NELL1: variants seen among roughly 807,000 people sequenced by gnomAD.
The protein encoded by NELL1 is neural EGFL like 1, also known as protein kinase C-binding protein NELL1.
A neutral mutation model predicts 107.4 loss-of-function variants in NELL1; 76 were observed. That is an observed-to-expected ratio of 0.71 (90% CI 0.59 to 0.86). The LOEUF is 0.86. Ranked by LOEUF, NELL1 falls within the 40% of genes least tolerant of loss-of-function variation. The pLI is 0.00. For synonymous variants in NELL1, 353 were observed against 341.2 expected, an observed-to-expected ratio of 1.03 and a Z score of -0.38; for missense variants, 1,024 against 1,005.5, an observed-to-expected ratio of 1.02 and a Z score of -0.25.
At chr11:21,381,095 C>T (rs978454263) in intron 15 of NELL1, among the ~76,000 whole-genome samples, 2 of 152,024 alleles carry the variant, frequency 1.3e-5, no homozygotes, top group South Asian at 2.1e-4. Context: ...ATCCAAATTT[C>T]ATACACTTTG....
intron 15 of NELL1, among the ~76,000 whole-genome samples, chr11:21,436,804 G>T (rs1418174299): frequency 1.3e-5 from 2 of 151,738 alleles, no homozygotes; most frequent in Non-Finnish European, 2.9e-5. Flanking sequence ...CATTGGTTTT[G>T]GTATGTTATG....
At chr11:21,107,594 T>C (rs779214498) in intron 12 of NELL1, among the ~76,000 whole-genome samples, 8 of 152,110 alleles carry the variant, frequency 5.3e-5, no homozygotes, top group Non-Finnish European at 1.0e-4. Flanking sequence ...CAAGAAATAG[T>C]GTGGGGGCTC....
intron 13 of NELL1, among the ~76,000 whole-genome samples, chr11:21,119,771 C>G (rs949555948): frequency 1.3e-5 from 2 of 152,166 alleles, no homozygotes; most frequent in East Asian, 3.9e-4. Flanking sequence ...TTTTTCTTCT[C>G]TCCCCCGTAT....
At chr11:21,347,830 G>T (rs898834563) in intron 14 of NELL1, among the ~76,000 whole-genome samples, 1 of 152,146 alleles carries the variant, frequency 6.6e-6, no homozygotes, top group African/African-American at 2.4e-5. Context: ...GGAGCCAGTG[G>T]AAGGTAACCA....
chr11:20,699,132 GC>G (rs1211032721), intron 2 of NELL1, among the ~76,000 whole-genome samples: 1 of 151,494 alleles, frequency 6.6e-6, no homozygotes, highest in Non-Finnish European at 1.5e-5. Context: ...CAGGAGAATT[GC>G]TTGAACCCAG....
chr11:20,906,588 A>G (rs1486534998), intron 5 of NELL1, among the ~76,000 whole-genome samples: 2 of 152,116 alleles, frequency 1.3e-5, no homozygotes, highest in East Asian at 3.9e-4. Context: ...TAGAGGCAAC[A>G]TTTCTCAACA....
chr11:21,500,255 A>C (rs908244454), intron 15 of NELL1, among the ~76,000 whole-genome samples: 38 of 152,028 alleles, frequency 2.5e-4, no homozygotes, highest in African/African-American at 8.7e-4. Flanking sequence ...CACTTTCAAC[A>C]CTTCATAGAA....
chr11:20,998,350 T>C (rs890904566), intron 12 of NELL1, among the ~76,000 whole-genome samples: 1 of 152,250 alleles, frequency 6.6e-6, no homozygotes, highest in Non-Finnish European at 1.5e-5. Context: ...ATTCTGCATT[T>C]AGTTTAGATA....
intron 12 of NELL1, among the ~76,000 whole-genome samples, chr11:21,019,027 C>T (rs1244494620): frequency 6.6e-6 from 1 of 152,032 alleles, no homozygotes; most frequent in Admixed American, 6.5e-5. Flanking sequence ...TTTGAAAGCT[C>T]TACTCCCCTG....
rs58665817 is a variant in NELL1, at chr11:21,120,448, G to A, written c.1426+6734G>A. ...AAATGGAACTAAAACAGAACATTCC[G>A]CAACCTGATTGAGCAAAATGGCAAA... is the stretch of plus-strand genomic sequence containing the variant. On this transcript the variant is annotated intron_variant, in intron 13 of 19. Coordinates refer to ENST00000357134, the MANE Select transcript of NELL1 (RefSeq NM_006157.5). Among the ~76,000 whole-genome samples, 18 of 151,986 alleles carry A rather than the reference G, an allele frequency of 1.2e-4. No individual in the cohort carries two copies. The South Asian group carries it at 1.5e-3, about 12-fold the overall frequency.
chr11:20,713,499 G>T (rs904675300), intron 2 of NELL1, among the ~76,000 whole-genome samples: 5 of 152,150 alleles, frequency 3.3e-5, no homozygotes, highest in Non-Finnish European at 5.9e-5. Flanking sequence ...AGTTGGTGAG[G>T]CTGGTCTTGC....
chr11:20,877,798 A>T (rs1171145461), intron 4 of NELL1, among the ~76,000 whole-genome samples: 1 of 152,228 alleles, frequency 6.6e-6, no homozygotes, highest in Admixed American at 6.5e-5. Flanking sequence ...TACACTTTAA[A>T]ATATTGATCG....
At position 20,960,543 on chromosome 11, in the gene NELL1, ACT is replaced by A. The variant is rs761021185; in HGVS notation, c.1286_1287del (p.Ser429CysfsTer4). 6.2e-7 allele frequency: 1 copy of A among 1,613,800 alleles called. No individual in the cohort carries two copies. Among genetic ancestry groups the A allele is most frequent in the Admixed American group, 1.7e-5 (1 of 59,986 alleles). ...AGTGGTTACATCTCTGTCCAGGGAG[ACT>A]CTGCCTACTGTGAAGGTAAGTAAGC... On this transcript the variant is annotated frameshift_variant, in exon 12 of 20. Transcript: ENST00000357134. LOFTEE classifies it high-confidence loss of function.
In NELL1 at chr11:20,787,325, G is replaced by C. The variant is rs117332081; in HGVS notation, c.335+3495G>C. On this transcript the variant is annotated intron_variant, in intron 3 of 19. Transcript: ENST00000357134. ...AAGGAGACTGGAATGTAAGAAAATA[G>C]AGAAGAATATATAATGGCATATATT... Among the ~76,000 whole-genome samples the C allele has an allele frequency of 2.1e-3, 319 of 152,170 alleles. 5 individuals carry two copies. Among genetic ancestry groups the C allele is most frequent in the South Asian group, 0.019 (93 of 4,808 alleles).
intron 13 of NELL1, among the ~76,000 whole-genome samples, chr11:21,132,693 C>T (rs1855649830): frequency 6.6e-6 from 1 of 152,080 alleles, no homozygotes; most frequent in African/African-American, 2.4e-5. Flanking sequence ...GAAGATGCTA[C>T]AGCCCTGGCT....
intron 11 of NELL1, among the ~76,000 whole-genome samples, chr11:20,954,693 A>G (rs536976904): frequency 6.6e-6 from 1 of 152,362 alleles, no homozygotes; most frequent in South Asian, 2.1e-4. Flanking sequence ...GCTTGAATAA[A>G]GGCCTCCATT....
chr11:21,362,709 T>C (rs1474399252), intron 14 of NELL1, among the ~76,000 whole-genome samples: 1 of 152,148 alleles, frequency 6.6e-6, no homozygotes, highest in Non-Finnish European at 1.5e-5. Context: ...GGTAAGTATT[T>C]TGGTTTCTCA....
chr11:21,070,352 G>A (rs1853981144), intron 12 of NELL1, among the ~76,000 whole-genome samples: 2 of 152,052 alleles, frequency 1.3e-5, no homozygotes, highest in Admixed American at 6.6e-5. Flanking sequence ...TAGTAGACTT[G>A]GTGTTTGAGG....
intron 12 of NELL1, among the ~76,000 whole-genome samples, chr11:21,099,435 T>C (rs1035994927): frequency 5.3e-5 from 8 of 152,030 alleles, no homozygotes; most frequent in African/African-American, 1.9e-4. Context: ...TCAAGGGGCA[T>C]TGGCTGGCTC....
Sources: gnomAD v4.1 joint callset for allele counts (sites outside exome capture counted in the v4.1 genomes callset) on GRCh38, gnomAD v4.1.1 for gene constraint, MANE v1.5 for transcripts, NCBI Gene and HGNC (gene_info 2026-07-23, HGNC 2026-07-21) for gene names.